Variants in EHD4 observed in about 807,000 individuals in gnomAD.
EHD4 encodes EH domain containing 4, also known as EH domain-containing protein 4.
EHD4 carries 37 observed loss-of-function variants against 51.0 expected under a neutral mutation model. The observed-to-expected ratio is 0.73, with a 90% confidence interval of 0.56 to 0.95. EHD4 has a LOEUF of 0.95. Ranked by LOEUF, EHD4 falls within the 40% of genes least tolerant of loss-of-function variation. EHD4 has a pLI of 0.00. For synonymous variants in EHD4, 297 were observed against 317.3 expected (o/e 0.94, Z 0.68); for missense variants, 632 against 733.1 (o/e 0.86, Z 1.59).
At chr15:41,921,160 TC>T (rs1046461123) in intron 3 of EHD4, among the ~76,000 whole-genome samples, 2 of 152,060 alleles carry the variant, frequency 1.3e-5, no homozygotes, top group Non-Finnish European at 2.9e-5. Flanking sequence ...CCTGAGCCCT[TC>T]CCCCCACTAG....
chr15:41,939,342 G>A (rs911097546), intron 3 of EHD4, among the ~76,000 whole-genome samples: 3 of 152,040 alleles, frequency 2.0e-5, no homozygotes, highest in Non-Finnish European at 2.9e-5. Context: ...AACACTTCAC[G>A]TCAGCCAGGA....
intron 1 of EHD4, among the ~76,000 whole-genome samples, chr15:41,961,248 T>C (rs2067922560): frequency 6.6e-6 from 1 of 152,214 alleles, no homozygotes; most frequent in Non-Finnish European, 1.5e-5. Context: ...CCCACTGCCA[T>C]TACCTGTAAG....
intron 5 of EHD4, among the ~76,000 whole-genome samples, chr15:41,907,822 C>CTGTGTG (rs1491431357): frequency 1.6e-5 from 2 of 127,404 alleles, no homozygotes; most frequent in African/African-American, 6.0e-5. Context: ...TGCGCCCAGG[C>CTGTGTG]TCTGTGTGTG....
chr15:41,953,085 A>C (rs1164682956), intron 2 of EHD4, among the ~76,000 whole-genome samples: 1 of 150,904 alleles, frequency 6.6e-6, no homozygotes, highest in Non-Finnish European at 1.5e-5. Flanking sequence ...TGCTCTGATG[A>C]ATAAGGAAAC....
In EHD4 at chr15:41,919,606, C is replaced by T. The variant is rs2067610756; in HGVS notation, c.528G>A (p.Gln176=). The T allele has an allele frequency of 6.6e-7, 1 of 1,513,514 alleles. No homozygotes were observed. The highest frequency in any genetic ancestry group is 8.8e-7 in the Non-Finnish European group (1 of 1,131,866). 93.8% of individuals were successfully genotyped at this position (1,513,514 alleles called of 1,614,324 possible). A position where few individuals can be genotyped will look rare whatever the true frequency, so the allele number is the denominator to read the frequency against. ...CCCTCTCGGCAAACCACTGCAGGAC[C>T]TGGCAGAAGTCATAGCCTGGGTGGA... ...QRISRGYDFC[Q]VLQWFAERVD... Residue 176 remains glutamine, a synonymous_variant, in exon 4 of 6, where the codon CAG becomes CAA. Transcript: ENST00000220325.
At chr15:41,963,408 G>T (rs2141009503) in intron 1 of EHD4, among the ~76,000 whole-genome samples, 1 of 151,958 alleles carries the variant, frequency 6.6e-6, no homozygotes, top group Non-Finnish European at 1.5e-5. Context: ...AGACCAGCCT[G>T]GTTAACATGG....
chr15:41,910,306 C>T (rs971110471), intron 4 of EHD4, among the ~76,000 whole-genome samples: 1 of 152,142 alleles, frequency 6.6e-6, no homozygotes, highest in African/African-American at 2.4e-5. Flanking sequence ...CCCATAACCC[C>T]CCTGTTATGG....
chr15:41,897,357 G>A lies in EHD4; in HGVS notation c.*3288C>T, dbSNP rs1385269381. 6.6e-6 allele frequency: 1 copy of A among 152,252 alleles called. No individual in the cohort carries two copies. The highest frequency in any genetic ancestry group is 2.4e-5 in the African/African-American group (1 of 41,458). The allele number at this position is 152,252 out of a possible 1,614,324, so 9.4% of individuals were successfully genotyped here. On this transcript the variant is annotated 3_prime_UTR_variant, in exon 6 of 6. Transcript: ENST00000220325. ...CAGGCCGCGGCTGTGACTCCCGCGG[G>A]TGAACCACAGCTCCACAGCCCCAAA...
chr15:41,959,345 G>A lies in EHD4; in HGVS notation c.237-5405C>T, dbSNP rs201192312. ...CGGGAGGCTGAGCTTGCAGTGAGCC[G>A]AGATCGTGCCACTGCACTCCAGCCT... On this transcript the variant is annotated intron_variant, in intron 1 of 5. Coordinates refer to ENST00000220325, the MANE Select transcript of EHD4 (RefSeq NM_139265.4). Among the ~76,000 whole-genome samples the A allele has an allele frequency of 8.3e-4, 113 of 136,536 alleles. 2 individuals carry two copies. In the East Asian group the frequency reaches 0.023, roughly 28 times the overall value. 89.6% of individuals were successfully genotyped at this position (136,536 alleles called of 152,430 possible). A position where few individuals can be genotyped will look rare whatever the true frequency, so the allele number is the denominator to read the frequency against.
At chr15:41,920,175 A>G (rs990989704) in intron 3 of EHD4, among the ~76,000 whole-genome samples, 3 of 152,222 alleles carry the variant, frequency 2.0e-5, no homozygotes, top group Non-Finnish European at 4.4e-5. Context: ...TGTTGTGATC[A>G]ATATTTATCT....
intron 2 of EHD4, among the ~76,000 whole-genome samples, chr15:41,945,035 T>C (rs1320350784): frequency 3.9e-5 from 6 of 152,174 alleles, no homozygotes; most frequent in Admixed American, 6.5e-5. Flanking sequence ...TTCTCTAGAA[T>C]TGGGGTGGGA....
intron 2 of EHD4, among the ~76,000 whole-genome samples, chr15:41,949,784 A>C (rs1210011411): frequency 6.6e-6 from 1 of 152,206 alleles, no homozygotes; most frequent in Non-Finnish European, 1.5e-5. Context: ...GAAAATATAC[A>C]CATTACCATT....
chr15:41,961,388 T>A (rs769114489), intron 1 of EHD4, among the ~76,000 whole-genome samples: 1 of 152,224 alleles, frequency 6.6e-6, no homozygotes, highest in Non-Finnish European at 1.5e-5. Flanking sequence ...CAATGACTAT[T>A]TATTGAGTGT....
intron 3 of EHD4, among the ~76,000 whole-genome samples, chr15:41,929,925 A>G (rs1005589060): frequency 6.6e-6 from 1 of 152,232 alleles, no homozygotes; most frequent in African/African-American, 2.4e-5. Context: ...GACCCTTCAG[A>G]TGGCTACAGG....
intron 3 of EHD4, among the ~76,000 whole-genome samples, chr15:41,936,990 G>T (rs2067735684): frequency 6.6e-6 from 1 of 152,216 alleles, no homozygotes; most frequent in Non-Finnish European, 1.5e-5. Context: ...AATCATCAGG[G>T]CTGGGCCCCA....
At chr15:41,903,301 G>A (rs146552630) in intron 5 of EHD4, among the ~76,000 whole-genome samples, 1 of 138,270 alleles carries the variant, frequency 7.2e-6, no homozygotes, top group African/African-American at 2.7e-5. Context: ...AAAAAACTTG[G>A]TGTTATCATA....
At chr15:41,967,570 G>A (rs1264471123) in intron 1 of EHD4, among the ~76,000 whole-genome samples, 2 of 152,208 alleles carry the variant, frequency 1.3e-5, no homozygotes, top group Non-Finnish European at 2.9e-5. Context: ...ATTTTCAGGA[G>A]CCCCAGTATC....
chr15:41,942,797 C>T, intron 3 of EHD4: 1 of 348,662 alleles, frequency 2.9e-6, no homozygotes, highest in Non-Finnish European at 5.5e-6. Context: ...CAGGTCCCCT[C>T]ACACCTCGAT....
At chr15:41,905,649 G>T (rs929176170) in intron 5 of EHD4, among the ~76,000 whole-genome samples, 4 of 152,176 alleles carry the variant, frequency 2.6e-5, no homozygotes, top group African/African-American at 7.2e-5. Flanking sequence ...TGGGGTTGCT[G>T]TCAATTATTT....
Sources: gnomAD v4.1 joint callset for allele counts (sites outside exome capture counted in the v4.1 genomes callset) on GRCh38, gnomAD v4.1.1 for gene constraint, MANE v1.5 for transcripts, NCBI Gene and HGNC (gene_info 2026-07-23, HGNC 2026-07-21) for gene names.